The following ARHGAP19 variants were observed in gnomAD, a reference collection of about 807,000 sequenced individuals.
ARHGAP19 encodes the protein Rho GTPase activating protein 19, also known as rho GTPase-activating protein 19.
Under a neutral mutation model 60.9 loss-of-function variants are expected in ARHGAP19, and 48 were observed. The observed-to-expected ratio is 0.79, with a 90% CI of 0.62 to 1.00. The LOEUF (loss-of-function observed/expected upper bound fraction) is 1.00. ARHGAP19 is among the 50% of genes least tolerant of loss of function. The pLI, the probability that ARHGAP19 is intolerant of heterozygous loss-of-function variation, is 0.00. For synonymous variants in ARHGAP19, 209 were observed against 215.5 expected (o/e 0.97, Z 0.27); for missense variants, 562 against 597.2 (o/e 0.94, Z 0.61).
At chr10:97,264,372 G>A (rs1842870209) in intron 3 of ARHGAP19, among the ~76,000 whole-genome samples, 1 of 151,884 alleles carries the variant, frequency 6.6e-6, no homozygotes, top group Non-Finnish European at 1.5e-5. Flanking sequence ...AGAATCACCT[G>A]AGCCCGGGAG....
chr10:97,229,214 G>C lies in ARHGAP19; in HGVS notation c.1407C>G (p.Gly469=). 6.2e-7 allele frequency: 1 copy of C among 1,613,970 alleles called. No homozygotes were observed. The highest frequency in any genetic ancestry group is 1.1e-5 in the South Asian group (1 of 91,082). The change falls in exon 11 of 12, where the codon GGC becomes GGG. Residue 469 remains glycine, a synonymous_variant. Transcript: ENST00000358531. ...SKENRNLLFS[G]SPAVTMTPTR... Reference sequence around the variant, plus strand: ...TTGGTGTCATCGTGACAGCTGGAGAGCCAGAAAATAACTGTAATAAGAAAA... The same window carrying C: ...TTGGTGTCATCGTGACAGCTGGAGACCCAGAAAATAACTGTAATAAGAAAA...
At chr10:97,230,277 C>G (rs185308919) in intron 9 of ARHGAP19, among the ~76,000 whole-genome samples, 1 of 152,180 alleles carries the variant, frequency 6.6e-6, no homozygotes, top group Non-Finnish European at 1.5e-5. Flanking sequence ...AGTCCCTCCC[C>G]CCTACTTACC....
chr10:97,226,493 T>G (rs1225711132), intron 11 of ARHGAP19, among the ~76,000 whole-genome samples: 1 of 152,194 alleles, frequency 6.6e-6, no homozygotes, highest in Non-Finnish European at 1.5e-5. Context: ...ATATAAGCTA[T>G]TAAGCAGCAA....
At chr10:97,230,038 C>A (rs1812335242) in intron 9 of ARHGAP19, among the ~76,000 whole-genome samples, 164 bp from the exon 10 acceptor site, 1 of 151,734 alleles carries the variant, frequency 6.6e-6, no homozygotes, top group South Asian at 2.1e-4. Context: ...GAGGCCAAAG[C>A]ATGTTACCAA....
intron 4 of ARHGAP19, among the ~76,000 whole-genome samples, chr10:97,262,453 T>C (rs1458392286): frequency 6.6e-6 from 1 of 151,566 alleles, no homozygotes; most frequent in East Asian, 2.0e-4. Context: ...GATCACAAGA[T>C]CAGAAGTTCG....
rs1850868187 is a variant in ARHGAP19, at chr10:97,224,929, G to C, written c.*1193C>G. ...TGTCCCTTCTGACAAAGAGAGGGCGGAACAGTAACACTCCTTGAACATTGG... is the reference window on the plus strand; with the variant it reads ...TGTCCCTTCTGACAAAGAGAGGGCGCAACAGTAACACTCCTTGAACATTGG... On this transcript the variant is annotated 3_prime_UTR_variant, in exon 12 of 12. Transcript: ENST00000358531. 1 of 152,332 alleles carries C rather than the reference G, an allele frequency of 6.6e-6. No homozygotes were observed. The highest frequency in any genetic ancestry group is 1.5e-5 in the Non-Finnish European group (1 of 68,150). The allele number at this position is 152,332 out of a possible 1,614,324, so 9.4% of individuals were successfully genotyped here. A position where few individuals can be genotyped will look rare whatever the true frequency, so the allele number is the denominator to read the frequency against.
chr10:97,250,521 C>T (rs1172023599), intron 6 of ARHGAP19, among the ~76,000 whole-genome samples: 1 of 151,540 alleles, frequency 6.6e-6, no homozygotes, highest in Non-Finnish European at 1.5e-5. Flanking sequence ...GTAGCTGAGA[C>T]TACAGGCGCC....
chr10:97,291,482 C>T (rs1355289510), intron 1 of ARHGAP19, among the ~76,000 whole-genome samples: 2 of 152,106 alleles, frequency 1.3e-5, no homozygotes, highest in East Asian at 1.9e-4. Context: ...TTAGTAGAGA[C>T]GGGCTTTCAT....
chr10:97,226,593 C>T (rs375374584), intron 11 of ARHGAP19, among the ~76,000 whole-genome samples: 2 of 152,116 alleles, frequency 1.3e-5, no homozygotes, highest in African/African-American at 4.8e-5. Flanking sequence ...TACTAAAAGC[C>T]GACTCAGCAC....
At position 97,285,190 on chromosome 10, in the gene ARHGAP19, A is replaced by G. The variant is rs377248150; in HGVS notation, c.56+7382T>C. ...GAAAGTATATACTCTTAAAGCTTCA[A>G]TGGATTTGTAGGTTGTAGATGTTCC... On this transcript the variant is annotated intron_variant, in intron 1 of 11. Coordinates refer to ENST00000358531, the MANE Select transcript of ARHGAP19 (RefSeq NM_032900.6). 3.3e-5 allele frequency among the ~76,000 whole-genome samples: 5 copies of G among 152,206 alleles called. No individual in the cohort carries two copies. The East Asian group carries it at 7.7e-4, about 24-fold the overall frequency.
intron 1 of ARHGAP19, among the ~76,000 whole-genome samples, chr10:97,270,399 T>A (rs1325619386): frequency 6.6e-6 from 1 of 152,158 alleles, no homozygotes; most frequent in African/African-American, 2.4e-5. Context: ...GTTATTCCCA[T>A]ATCACAAAGC....
intron 1 of ARHGAP19, among the ~76,000 whole-genome samples, chr10:97,290,766 C>T (rs1208797123): frequency 6.6e-6 from 1 of 152,080 alleles, no homozygotes; most frequent in Non-Finnish European, 1.5e-5. Flanking sequence ...CACCGCGGAC[C>T]CCTGGAACAG....
chr10:97,248,048 C>A (rs1387734589), intron 6 of ARHGAP19, among the ~76,000 whole-genome samples: 2 of 151,482 alleles, frequency 1.3e-5, no homozygotes, highest in Non-Finnish European at 2.9e-5. Context: ...TCACTGCAAC[C>A]TCCGCCTCCC....
Position 97,229,155 on chromosome 10 carries a change from C to T in ARHGAP19, c.1466G>A (p.Gly489Glu). Residue 489 changes from glycine to glutamate, a missense_variant, in exon 11 of 12, where the codon GGG becomes GAG. By Grantham distance (98) the Gly-to-Glu change is moderately conservative (BLOSUM62 -2). Transcript: ENST00000358531. ...RLKWSEGKKE[G>E]KKGFL is the part of the protein sequence containing the mutation. ...GTAAGTACAATTAGTACCTTTTTTC[C>T]CCTCTTTCTTCCCTTCAGACCACTT... 3 of 1,613,648 alleles carry T rather than the reference C, an allele frequency of 1.9e-6. No homozygotes were observed. Among genetic ancestry groups the T allele is most frequent in the Non-Finnish European group, 8.5e-7 (1 of 1,179,624 alleles).
chr10:97,256,922 C>A (rs2484882), intron 5 of ARHGAP19, among the ~76,000 whole-genome samples: 1 of 151,582 alleles, frequency 6.6e-6, no homozygotes, highest in Non-Finnish European at 1.5e-5. Context: ...GAGATTGAGA[C>A]CATCCTGGCT....
intron 6 of ARHGAP19, 139 bp from the exon 7 acceptor site, chr10:97,246,476 G>A (rs1842565752): frequency 1.5e-6 from 1 of 650,776 alleles, no homozygotes; most frequent in Admixed American, 2.6e-5. Context: ...AAAATTCATA[G>A]CCCCTCCATA....
intron 8 of ARHGAP19, among the ~76,000 whole-genome samples, chr10:97,235,765 A>G (rs1213202324): frequency 6.6e-6 from 1 of 152,196 alleles, no homozygotes; most frequent in Non-Finnish European, 1.5e-5. Context: ...ACTGCCTGAC[A>G]ACAATACCAT....
At chr10:97,288,980 A>C (rs986587253) in intron 1 of ARHGAP19, among the ~76,000 whole-genome samples, 1 of 150,496 alleles carries the variant, frequency 6.6e-6, no homozygotes, top group African/African-American at 2.4e-5. Flanking sequence ...ATGCCTGGTT[A>C]ACTTTTTTTT....
chr10:97,272,910 G>A (rs371127179), intron 1 of ARHGAP19, among the ~76,000 whole-genome samples: 9 of 149,192 alleles, frequency 6.0e-5, no homozygotes, highest in East Asian at 2.0e-4. Context: ...GGACGATCTC[G>A]GCTGACTGCA....
Sources: allele counts gnomAD v4.1 joint callset (sites outside exome capture counted in the v4.1 genomes callset), GRCh38; gene constraint gnomAD v4.1.1; transcripts MANE v1.5; gene names NCBI Gene and HGNC (gene_info 2026-07-23, HGNC 2026-07-21).